The following MSRB3 variants were observed in gnomAD, a reference collection of about 807,000 sequenced individuals.
MSRB3 encodes the protein methionine sulfoxide reductase B3, also known as methionine-R-sulfoxide reductase B3.
A neutral mutation model predicts 21.0 loss-of-function variants in MSRB3; 13 were observed. The observed-to-expected ratio is 0.62, with a 90% confidence interval of 0.40 to 0.98. The LOEUF is 0.98. Among genes scored for constraint, MSRB3 ranks in the 50% least tolerant of loss-of-function variants. The pLI, the probability that MSRB3 is intolerant of heterozygous loss-of-function variation, is 0.00. For missense variants in MSRB3, 199 were observed against 230.3 expected (o/e 0.86, Z 0.88); for synonymous variants, 87 against 88.6 (o/e 0.98, Z 0.10).
chr12:65,447,923 T>A (rs182389368), intron 5 of MSRB3, among the ~76,000 whole-genome samples: 59 of 152,288 alleles, frequency 3.9e-4, no homozygotes, highest in Admixed American at 3.5e-3. Flanking sequence ...TGTAATAAAG[T>A]CATAATCCAA....
chr12:65,344,334 GTGTTGATGA>G (rs1297240507), intron 4 of MSRB3: 1 of 151,956 alleles, frequency 6.6e-6, no homozygotes, highest in Admixed American at 6.6e-5. Context: ...TTGCCGATTG[GTGTTGATGA>G]TAACTGGTAA....
intron 5 of MSRB3, among the ~76,000 whole-genome samples, chr12:65,447,230 C>T (rs1284560601): frequency 6.6e-6 from 1 of 152,094 alleles, no homozygotes; most frequent in Non-Finnish European, 1.5e-5. Flanking sequence ...GAGAAAACCT[C>T]CATCAGATGT....
chr12:65,369,206 A>C (rs1878184626), intron 5 of MSRB3, among the ~76,000 whole-genome samples, 180 bp downstream of exon 5: 1 of 152,118 alleles, frequency 6.6e-6, no homozygotes, highest in Non-Finnish European at 1.5e-5. Flanking sequence ...TGAGGTGTTC[A>C]CTTTGGAGTC....
chr12:65,455,005 G>A (rs1157971575), intron 6 of MSRB3, among the ~76,000 whole-genome samples: 1 of 152,192 alleles, frequency 6.6e-6, no homozygotes, highest in Non-Finnish European at 1.5e-5. Flanking sequence ...GACACCACAG[G>A]GTATTTTGTT....
Position 65,463,169 on chromosome 12 carries a change from T to G in MSRB3, c.405T>G (p.Leu135=). The G allele has an allele frequency of 1.2e-6, 2 of 1,614,174 alleles. No individual in the cohort carries two copies. The highest frequency in any genetic ancestry group is 1.7e-6 in the Non-Finnish European group (2 of 1,180,034). The stretch of plus-strand genomic sequence containing the variant: ...TTCTCTTTCAGTGTGGTGCTCACCT[T>G]GGGCACATTTTTGATGATGGGCCTC... ...ETSCSQCGAH[L]GHIFDDGPRP... The change falls in exon 7 of 7, where the codon CTT becomes CTG. Residue 135 remains leucine (L), a synonymous_variant. Transcript: ENST00000308259.
At chr12:65,294,206 T>G (rs1305439088) in intron 1 of MSRB3, among the ~76,000 whole-genome samples, 39 of 152,114 alleles carry the variant, frequency 2.6e-4, no homozygotes. Context: ...ACGTCAGAAG[T>G]GCTTATTAGT....
intron 4 of MSRB3, among the ~76,000 whole-genome samples, chr12:65,364,957 A>G (rs1165817835): frequency 3.3e-5 from 5 of 152,100 alleles, no homozygotes; most frequent in Non-Finnish European, 2.9e-5. Flanking sequence ...TTGATACCCA[A>G]GGCCATTAAT....
At chr12:65,423,710 C>T (rs891120152) in intron 5 of MSRB3, among the ~76,000 whole-genome samples, 1 of 152,130 alleles carries the variant, frequency 6.6e-6, no homozygotes, top group African/African-American at 2.4e-5. Flanking sequence ...ATGAATCATT[C>T]TTTTAATGTG....
At chr12:65,385,975 T>C (rs1047068780) in intron 5 of MSRB3, among the ~76,000 whole-genome samples, 1 of 151,954 alleles carries the variant, frequency 6.6e-6, no homozygotes, top group Admixed American at 6.6e-5. Context: ...TATCTATAAC[T>C]TCCTTCATTT....
Position 65,330,166 on chromosome 12 carries a change from A to G in MSRB3, c.263+1563A>G, listed in dbSNP as rs151165573. On this transcript the variant is annotated intron_variant, in intron 4 of 6. Transcript: ENST00000308259. ...TGATTCACTAAAGTATGGGATCTAA[A>G]GAAAACTTACTGTTTTAAATAAGAA... is the stretch of plus-strand genomic sequence containing the variant. 5.5e-3 allele frequency among the ~76,000 whole-genome samples: 843 copies of G among 152,316 alleles called. 2 individuals are homozygous for G. Among genetic ancestry groups the G allele is most frequent in the Middle Eastern group, 0.014 (4 of 292 alleles).
rs552523803 is a variant in MSRB3 at position 65,375,658 on chromosome 12, C to A, written c.292+6632C>A. On this transcript the variant is annotated intron_variant, in intron 5 of 6. Transcript: ENST00000308259. ...CTTGCCATGTTGCCCAGGCTAGTCT[C>A]AAACTCCTGGCTTCAAGCAATCCTC... is the stretch of plus-strand genomic sequence containing the variant. Among the ~76,000 whole-genome samples, 17 of 152,130 alleles carry A rather than the reference C, an allele frequency of 1.1e-4. No individual in the cohort carries two copies. The East Asian group carries it at 1.9e-3, about 17-fold the overall frequency.
At chr12:65,416,977 C>T (rs1401675292) in intron 5 of MSRB3, among the ~76,000 whole-genome samples, 4 of 152,126 alleles carry the variant, frequency 2.6e-5, no homozygotes, top group Non-Finnish European at 5.9e-5. Flanking sequence ...ATTTTATCCC[C>T]TGCTCAGACA....
In MSRB3 at chr12:65,293,687, C is replaced by A. The variant is rs1288580116; in HGVS notation, c.-52+14822C>A. On this transcript the variant is annotated intron_variant, in intron 1 of 6. Coordinates refer to ENST00000308259, the MANE Select transcript of MSRB3 (RefSeq NM_001031679.3). ...CTTCCCCACTCTGCTTCTATGTCAT[C>A]CTTACTGCACTTGTTCATAATGTCT... is the stretch of plus-strand genomic sequence containing the variant. 2.6e-5 allele frequency among the ~76,000 whole-genome samples: 4 copies of A among 152,228 alleles called. No individual in the cohort carries two copies. In the South Asian group the frequency reaches 8.3e-4, roughly 31 times the overall value.
chr12:65,335,297 G>GT (rs1875691314), intron 4 of MSRB3, among the ~76,000 whole-genome samples: 3 of 152,190 alleles, frequency 2.0e-5, no homozygotes, highest in African/African-American at 7.2e-5. Context: ...TTATTAGACA[G>GT]GGTCTGTCTG....
chr12:65,362,847 C>T (rs942041053), intron 4 of MSRB3, among the ~76,000 whole-genome samples: 5 of 152,118 alleles, frequency 3.3e-5, no homozygotes, highest in Non-Finnish European at 5.9e-5. Context: ...CATAAATATT[C>T]ACTGCTGTTC....
chr12:65,419,130 T>C (rs1881139743), intron 5 of MSRB3: 1 of 682,600 alleles, frequency 1.5e-6, no homozygotes, highest in Admixed American at 2.0e-5. Context: ...GCTCATCTGT[T>C]GAGAGCATCA....
chr12:65,360,349 A>G (rs1287418475), intron 4 of MSRB3, among the ~76,000 whole-genome samples: 7 of 152,120 alleles, frequency 4.6e-5, no homozygotes, highest in Non-Finnish European at 1.5e-5. Flanking sequence ...CTTGACTTTA[A>G]AAAGCCTCAT....
chr12:65,416,903 A>G (rs564906581), intron 5 of MSRB3, among the ~76,000 whole-genome samples: 307 of 152,040 alleles, frequency 2.0e-3, no homozygotes, highest in African/African-American at 7.1e-3. Context: ...TTCTCTTTCT[A>G]TTTTGGCCCT....
intron 5 of MSRB3, among the ~76,000 whole-genome samples, chr12:65,405,141 T>C (rs7315978): frequency 0.7 from 106,066 of 151,658 alleles, 37,467 homozygotes; most frequent in African/African-American, 0.78. Flanking sequence ...TTCGTAGAGA[T>C]GGGTTTCACC....
Sources: allele counts gnomAD v4.1 joint callset (sites outside exome capture counted in the v4.1 genomes callset), GRCh38; gene constraint gnomAD v4.1.1; transcripts MANE v1.5; gene names NCBI Gene and HGNC (gene_info 2026-07-23, HGNC 2026-07-21).